FTCD: variants seen among roughly 807,000 people sequenced by gnomAD.
FTCD encodes the protein formimidoyltransferase cyclodeaminase.
In FTCD, 76 loss-of-function variants were observed where a neutral mutation model predicts 62.9. That is an observed-to-expected ratio of 1.21 (90% CI 1.00 to 1.46). The LOEUF (loss-of-function observed/expected upper bound fraction) is 1.46, where lower values mean the gene tolerates loss of function less well. Ranked by LOEUF, FTCD falls within the 40% of genes most tolerant of loss-of-function variation. FTCD has a pLI of 0.00. For synonymous variants in FTCD, 397 were observed against 336.9 expected (o/e 1.18, Z -1.95); for missense variants, 845 against 751.3 (o/e 1.12, Z -1.46).
Position 46,145,516 on chromosome 21 carries a change from C to T in FTCD, c.1161G>A (p.Leu387=), listed in dbSNP as rs1009242348. 1 of 1,549,902 alleles carries T rather than the reference C, an allele frequency of 6.5e-7. No homozygotes were observed. Among genetic ancestry groups the T allele is most frequent in the African/African-American group, 1.4e-5 (1 of 73,044 alleles). The change falls in exon 10 of 14, where the codon CTG becomes CTA. Residue 387 remains leucine (L), a synonymous_variant. Coordinates refer to ENST00000397746, the MANE Select transcript of FTCD (RefSeq NM_206965.2). ...GGATCAGGCGCCGCATCGTCGTGTC[C>T]AGGGACTGGAATTGGCGCCGCCCGT... The part of the protein sequence containing the change: ...MTYGRRQFQS[L]DTTMRRLIPP...
At chr21:46,155,257 C>G (rs143256332) in intron 1 of FTCD, among the ~76,000 whole-genome samples, 10 of 152,190 alleles carry the variant, frequency 6.6e-5, no homozygotes, top group Admixed American at 5.2e-4. Context: ...CCTCAGCCCC[C>G]ACAAGCACCA....
chr21:46,138,490 T>G lies in FTCD; in HGVS notation c.1443+18A>C. ...CTGCTTTGCGGCAGGAGGCCTGGGG[T>G]CCCCCGGGCCCCCCTACCTGGAGGT... On this transcript the variant is annotated intron_variant, in intron 12 of 13. Transcript: ENST00000397746. 1.3e-6 allele frequency: 2 copies of G among 1,570,818 alleles called. No individual in the cohort carries two copies. The highest frequency in any genetic ancestry group is 1.7e-6 in the Non-Finnish European group (2 of 1,165,460).
intron 1 of FTCD, among the ~76,000 whole-genome samples, chr21:46,154,964 G>T (rs1468528741): frequency 6.6e-6 from 1 of 152,334 alleles, no homozygotes; most frequent in African/African-American, 2.4e-5. Context: ...TGTGGAAGGC[G>T]AGAGGCCGGA....
At chr21:46,142,798 T>C (rs919611423) in intron 10 of FTCD, 18 of 152,180 alleles carry the variant, frequency 1.2e-4, no homozygotes, top group African/African-American at 4.3e-4. Context: ...TGCTGATTGG[T>C]CCATTTTACA....
chr21:46,137,160 A>C (rs9284510), intron 13 of FTCD, 79 bp downstream of exon 13: 6 of 1,588,972 alleles, frequency 3.8e-6, no homozygotes, highest in Non-Finnish European at 4.3e-6. Flanking sequence ...CACTGCCCAC[A>C]GCCAGTCGGC....
intron 10 of FTCD, chr21:46,142,477 A>C (rs1053991032): frequency 6.6e-6 from 1 of 151,798 alleles, no homozygotes; most frequent in African/African-American, 2.4e-5. Context: ...GAGGCCGCCG[A>C]CCTTCGCAGC....
intron 7 of FTCD, among the ~76,000 whole-genome samples, chr21:46,147,942 CA>C (rs3057182): frequency 0.29 from 27,624 of 96,006 alleles, 2,600 homozygotes; most frequent in South Asian, 0.36. Context: ...GGCTCCATCT[CA>C]AAAAAAAAAA....
Position 46,150,542 on chromosome 21 carries a change from T to C in FTCD, c.637-17A>G. On this transcript the variant is annotated splice_polypyrimidine_tract_variant and intron_variant, in intron 5 of 13. Transcript: ENST00000397746. The stretch of plus-strand genomic sequence containing the variant: ...ACGTCCTGGCTGCAAAGGAAGAGCG[T>C]TCCCCAGCCTGGACTAGGAAGCTCA... 1 of 1,612,746 alleles carries C rather than the reference T, an allele frequency of 6.2e-7. No homozygotes were observed. Among genetic ancestry groups the C allele is most frequent in the Non-Finnish European group, 8.5e-7 (1 of 1,179,732 alleles).
chr21:46,146,431 G>T, intron 7 of FTCD, 104 bp from the exon 8 acceptor site: 1 of 788,694 alleles, frequency 1.3e-6, no homozygotes, highest in Non-Finnish European at 2.2e-6. Flanking sequence ...CCCCTGCCCC[G>T]AGCACACAGG....
Position 46,153,049 on chromosome 21 carries a change from G to T in FTCD, c.239-14C>A. ...GGGGGTGCTCTCCTGCAGAGAGACG[G>T]CGAGGCCGGGCAGGAGGCCAGGTGT... On this transcript the variant is annotated splice_polypyrimidine_tract_variant and intron_variant, in intron 2 of 13. Transcript: ENST00000397746. The T allele has an allele frequency of 5.8e-6, 9 of 1,544,550 alleles. No homozygotes were observed. Among genetic ancestry groups the T allele is most frequent in the Non-Finnish European group, 7.9e-6 (9 of 1,145,298 alleles).
At chr21:46,145,220 T>C (rs1045464627) in intron 10 of FTCD, among the ~76,000 whole-genome samples, 197 bp downstream of exon 10, 3 of 152,178 alleles carry the variant, frequency 2.0e-5, no homozygotes, top group Non-Finnish European at 4.4e-5. Context: ...CCTCAAACCC[T>C]GCTGGGCCCA....
At chr21:46,152,615 A>G in intron 3 of FTCD, 1 of 338,410 alleles carries the variant, frequency 3.0e-6, no homozygotes, top group Non-Finnish European at 5.4e-6. Flanking sequence ...TGATTTAGTT[A>G]ATTTCCCAAA....
chr21:46,152,721 C>G (rs1260003103), intron 3 of FTCD, 186 bp downstream of exon 3: 1 of 568,560 alleles, frequency 1.8e-6, no homozygotes, highest in African/African-American at 1.9e-5. Context: ...CCCGGGCCTG[C>G]ACGGCCGCAG....
intron 7 of FTCD, among the ~76,000 whole-genome samples, chr21:46,149,082 G>A (rs1020799906): frequency 1.3e-5 from 2 of 152,182 alleles, no homozygotes; most frequent in Non-Finnish European, 2.9e-5. Context: ...ACAAATAAAT[G>A]GGGCAAAATG....
chr21:46,138,405 A>G, intron 12 of FTCD, 103 bp downstream of exon 12: 10 of 1,162,714 alleles, frequency 8.6e-6, no homozygotes, highest in Admixed American at 2.0e-5. Flanking sequence ...AGGTCTCCCT[A>G]CCTGGCTCAG....
At chr21:46,137,858 G>A (rs2078905538) in intron 12 of FTCD, among the ~76,000 whole-genome samples, 1 of 152,240 alleles carries the variant, frequency 6.6e-6, no homozygotes, top group African/African-American at 2.4e-5. Context: ...CCCTGTCAGT[G>A]TGAGGCATCT....
intron 11 of FTCD, 91 bp from the exon 12 acceptor site, chr21:46,138,737 G>A (rs1195857563): frequency 2.0e-6 from 3 of 1,490,114 alleles, no homozygotes; most frequent in Non-Finnish European, 2.8e-6. Flanking sequence ...GCAGGCTGCA[G>A]AAGCGGGCGA....
chr21:46,142,682 C>T (rs888237115), intron 10 of FTCD: 3 of 152,244 alleles, frequency 2.0e-5, no homozygotes, highest in African/African-American at 7.2e-5. Context: ...GCCCCCACAG[C>T]TTGGAACAGA....
intron 12 of FTCD, among the ~76,000 whole-genome samples, chr21:46,138,233 A>AGGGGTCTTG (rs1324710975): frequency 2.6e-5 from 4 of 152,148 alleles, no homozygotes; most frequent in Admixed American, 6.5e-5. Context: ...GGGTGATACA[A>AGGGGTCTTG]GGGGTCTTGG....
Sources: allele counts gnomAD v4.1 joint callset (sites outside exome capture counted in the v4.1 genomes callset), GRCh38; gene constraint gnomAD v4.1.1; transcripts MANE v1.5; gene names NCBI Gene and HGNC (gene_info 2026-07-23, HGNC 2026-07-21).